DDO: variants seen among roughly 807,000 people sequenced by gnomAD.
The protein encoded by DDO is D-aspartate oxidase, DDO.
A neutral mutation model predicts 16.8 loss-of-function variants in DDO; 16 were observed. That is an observed-to-expected ratio of 0.95 (90% confidence interval 0.65 to 1.45). The LOEUF (loss-of-function observed/expected upper bound fraction) is 1.45, where lower values mean the gene tolerates loss of function less well. Ranked by LOEUF, DDO falls within the 40% of genes most tolerant of loss-of-function variation. The probability of loss-of-function intolerance (pLI) is 0.00; values close to 1 mark genes in which losing one functional copy is unlikely to be tolerated. For missense variants in DDO, 429 were observed against 420.3 expected (o/e 1.02, Z -0.18); for synonymous variants, 180 against 167.2 (o/e 1.08, Z -0.59).
intron 4 of DDO, among the ~76,000 whole-genome samples, chr6:110,394,912 C>T (rs1308943386): frequency 5.3e-5 from 8 of 152,184 alleles, no homozygotes; most frequent in African/African-American, 7.2e-5. Flanking sequence ...CAATAAATCA[C>T]GAATTCCTCA....
intron 3 of DDO, among the ~76,000 whole-genome samples, 159 bp from the exon 4 acceptor site, chr6:110,405,109 C>G (rs116840869): frequency 3.3e-5 from 5 of 152,162 alleles, no homozygotes; most frequent in Admixed American, 1.3e-4. Context: ...CAATCATGGC[C>G]CACTGCAGCC....
In DDO at chr6:110,404,798, G is replaced by A. The variant is rs1773591962; in HGVS notation, c.434C>T (p.Ala145Val). The change falls in exon 4 of 5, where the codon GCC becomes GTC. Residue 145 changes from alanine to valine, a missense_variant. By Grantham distance (64) the Ala-to-Val change is moderately conservative. Transcript: ENST00000368924. ...AFTTLKCECP[A>V]YLPWLEKRIK... ...CCTTTTCTCCAACCACGGGAGGTAG[G>A]CAGGGCATTCACATTTCAGGGTTGT... is the stretch of plus-strand genomic sequence containing the variant. 1 of 1,614,020 alleles carries A rather than the reference G, an allele frequency of 6.2e-7. No individual in the cohort carries two copies. The highest frequency in any genetic ancestry group is 1.7e-5 in the Admixed American group (1 of 59,994).
Position 110,393,287 on chromosome 6 carries a change from G to C in DDO, c.514C>G (p.Leu172Val). Reference protein sequence around the residue: ...LTRRIEDLWELHPSFDIVVNC... With the variant: ...LTRRIEDLWEVHPSFDIVVNC... ...ACCACGATGTCAAAGGACGGATGAAGTTCCCACAGGTCTTCTATTCGCCGA... is the reference window on the plus strand; with the variant it reads ...ACCACGATGTCAAAGGACGGATGAACTTCCCACAGGTCTTCTATTCGCCGA... Residue 172 changes from leucine (L) to valine (V), a missense_variant, in exon 5 of 5, where the codon CTT (leucine) becomes GTT (valine). Coordinates refer to ENST00000368924, the MANE Select transcript of DDO (RefSeq NM_001372108.2). 1 of 1,612,696 alleles carries C rather than the reference G, an allele frequency of 6.2e-7. No homozygotes were observed.
intron 2 of DDO, among the ~76,000 whole-genome samples, chr6:110,411,113 T>G (rs540543934): frequency 6.6e-6 from 1 of 152,200 alleles, no homozygotes; most frequent in South Asian, 2.1e-4. Context: ...GGCCTTCATC[T>G]TCCCCAGGCA....
chr6:110,412,218 C>CA (rs1773882401), intron 2 of DDO, among the ~76,000 whole-genome samples: 1 of 151,004 alleles, frequency 6.6e-6, no homozygotes. Context: ...CGTGCCACTG[C>CA]ACTCCAGCCT....
At chr6:110,414,534 C>T (rs573814030) in intron 1 of DDO, among the ~76,000 whole-genome samples, 1 of 152,386 alleles carries the variant, frequency 6.6e-6, no homozygotes, top group South Asian at 2.1e-4. Context: ...CTGAGGCTGG[C>T]ACCCTCTGTC....
chr6:110,390,055 CA>C (rs555689809), downstream of DDO, among the ~76,000 whole-genome samples: 773 of 152,294 alleles, frequency 5.1e-3, 1 homozygote, highest in Non-Finnish European at 6.8e-3. Context: ...AAGGTGATTC[CA>C]GTATTTCTAG....
intron 2 of DDO, among the ~76,000 whole-genome samples, chr6:110,411,657 G>A (rs938089444): frequency 3.3e-5 from 5 of 152,074 alleles, no homozygotes; most frequent in Non-Finnish European, 5.9e-5. Context: ...ATAAATAGGA[G>A]GGGGACAAAG....
chr6:110,409,027 C>A (rs1011483967), intron 2 of DDO, among the ~76,000 whole-genome samples: 1 of 152,208 alleles, frequency 6.6e-6, no homozygotes, highest in African/African-American at 2.4e-5. Flanking sequence ...GCAGGCCAGA[C>A]TTCCCAGCAG....
chr6:110,413,598 G>T, intron 1 of DDO, 132 bp from the exon 2 acceptor site: 1 of 871,220 alleles, frequency 1.1e-6, no homozygotes, highest in Non-Finnish European at 1.8e-6. Context: ...GGTGTTTCTT[G>T]TGAGATAAAG....
At chr6:110,409,134 G>C (rs1773763103) in intron 2 of DDO, among the ~76,000 whole-genome samples, 1 of 152,196 alleles carries the variant, frequency 6.6e-6, no homozygotes. Context: ...CATCCCCCAG[G>C]CACCTCTGCC....
Position 110,415,512 on chromosome 6 carries a change from C to A in DDO, c.-50G>T, listed in dbSNP as rs1482675295. ...TTGGAAGCCACCAAAATCTCTGGCA[C>A]CAAACCTTGTTTCCCAGTGCCTGGC... On this transcript the variant is annotated 5_prime_UTR_variant, in exon 1 of 5. Coordinates refer to ENST00000368924, the MANE Select transcript of DDO (RefSeq NM_001372108.2). 6.2e-7 allele frequency: 1 copy of A among 1,614,118 alleles called. No homozygotes were observed. Among genetic ancestry groups the A allele is most frequent in the Non-Finnish European group, 8.5e-7 (1 of 1,180,052 alleles).
intron 2 of DDO, among the ~76,000 whole-genome samples, chr6:110,409,960 A>G (rs1288014790): frequency 6.6e-6 from 1 of 151,970 alleles, no homozygotes; most frequent in East Asian, 1.9e-4. Flanking sequence ...ACAGAACTAT[A>G]GCTGGAATGG....
At chr6:110,401,763 T>C (rs911235523) in intron 4 of DDO, among the ~76,000 whole-genome samples, 1 of 152,232 alleles carries the variant, frequency 6.6e-6, no homozygotes, top group African/African-American at 2.4e-5. Context: ...CTAAAACTCG[T>C]AGGTGAAAGT....
Position 110,408,316 on chromosome 6 carries a change from T to C in DDO, c.281+18A>G. The C allele has an allele frequency of 6.2e-7, 1 of 1,609,062 alleles. No homozygotes were observed. The highest frequency in any genetic ancestry group is 1.1e-5 in the South Asian group (1 of 90,804). ...GATCATGCTACACTCTAAAATAACT[T>C]CAAATTTCTTCACTTACCCTGATAC... On this transcript the variant is annotated intron_variant, in intron 3 of 4. Transcript: ENST00000368924.
chr6:110,393,438 G>A, intron 4 of DDO, 96 bp from the exon 5 acceptor site: 1 of 1,468,088 alleles, frequency 6.8e-7, no homozygotes, highest in Non-Finnish European at 9.0e-7. Flanking sequence ...AAAATTAGGT[G>A]ATGATCTGAT....
At chr6:110,391,663 C>A (rs1773104843), downstream of DDO, 1 of 152,322 alleles carries the variant, frequency 6.6e-6, no homozygotes, top group African/African-American at 2.4e-5. Context: ...CTCCTCAAGC[C>A]TCTTTACTTC....
At chr6:110,394,156 G>A (rs1002386583) in intron 4 of DDO, among the ~76,000 whole-genome samples, 12 of 151,742 alleles carry the variant, frequency 7.9e-5, no homozygotes, top group African/African-American at 2.4e-4. Flanking sequence ...CCAGGCTGGA[G>A]TGCAGTGGCG....
rs1562256356 is a variant in DDO, at chr6:110,392,719, C to A, written c.*56G>T. On this transcript the variant is annotated 3_prime_UTR_variant, in exon 5 of 5. Transcript: ENST00000368924. ...CATGCAGTGGAAAAGTTATTTGAAC[C>A]TGTTCTGTGCTTTGATCAACAGTCT... The A allele has an allele frequency of 6.8e-7, 1 of 1,479,594 alleles. No homozygotes were observed. Among genetic ancestry groups the A allele is most frequent in the Non-Finnish European group, 8.9e-7 (1 of 1,118,946 alleles). The allele number at this position is 1,479,594 out of a possible 1,614,324, so 91.7% of individuals were successfully genotyped here.
Sources: gnomAD v4.1 joint callset for allele counts (sites outside exome capture counted in the v4.1 genomes callset) on GRCh38, gnomAD v4.1.1 for gene constraint, MANE v1.5 for transcripts, NCBI Gene and HGNC (gene_info 2026-07-23, HGNC 2026-07-21) for gene names.